The following LDLRAD1 variants were observed in gnomAD, a reference collection of about 807,000 sequenced individuals.
The protein encoded by LDLRAD1 is low density lipoprotein receptor class A domain containing 1, also known as low-density lipoprotein receptor class A domain-containing protein 1.
In LDLRAD1, 17 loss-of-function variants were observed where a neutral mutation model predicts 24.8. That is an observed-to-expected ratio of 0.69 (90% CI 0.47 to 1.03). The LOEUF (loss-of-function observed/expected upper bound fraction) is 1.03, where lower values mean the gene tolerates loss of function less well. Ranked by LOEUF, LDLRAD1 falls within the 50% of genes least tolerant of loss-of-function variation. The pLI is 0.00. For synonymous variants in LDLRAD1, 103 were observed against 108.2 expected, an observed-to-expected ratio of 0.95 and a Z score of 0.30; for missense variants, 277 against 271.0, an observed-to-expected ratio of 1.02 and a Z score of -0.16.
chr1:54,017,098 G>A (rs1656339332), intron 2 of LDLRAD1, among the ~76,000 whole-genome samples: 1 of 152,240 alleles, frequency 6.6e-6, no homozygotes, highest in Admixed American at 6.5e-5. Flanking sequence ...TCTTTTCTCT[G>A]TGTTACAGGT....
intron 2 of LDLRAD1, among the ~76,000 whole-genome samples, chr1:54,015,573 G>T (rs537366334): frequency 1.3e-5 from 2 of 152,146 alleles, no homozygotes; most frequent in South Asian, 2.1e-4. Context: ...AGAGAAAGGG[G>T]CAGGAGCAGG....
intron 3 of LDLRAD1, among the ~76,000 whole-genome samples, chr1:54,013,901 CG>C (rs535156650): frequency 1.3e-5 from 2 of 151,958 alleles, no homozygotes; most frequent in South Asian, 4.2e-4. Context: ...AGCACCACCC[CG>C]GGGTGGCCAG....
intron 2 of LDLRAD1, among the ~76,000 whole-genome samples, chr1:54,014,861 C>T (rs1014312903): frequency 6.6e-6 from 1 of 152,204 alleles, no homozygotes; most frequent in Non-Finnish European, 1.5e-5. Flanking sequence ...CGTGCCCTTT[C>T]CACGATCCCA....
rs147964909 is a variant in LDLRAD1 at position 54,009,009 on chromosome 1, G to A, written c.591C>T (p.Ser197=). The A allele has an allele frequency of 1.2e-4, 193 of 1,613,760 alleles. 1 individual carries two copies. The highest frequency in any genetic ancestry group is 3.3e-5 in the Non-Finnish European group (39 of 1,179,930). Residue 197 remains serine, a synonymous_variant, in exon 6 of 6, where the codon TCC becomes TCT. Transcript: ENST00000371360. ...RDHVQHCSDW[S]DEYACPGP ...AGGGTCCGGGACAGGCATACTCATC[G>A]GACCAGTCGGAGCAGTGCTGTACAT... is the stretch of plus-strand genomic sequence containing the variant.
At position 54,008,896 on chromosome 1, in the gene LDLRAD1, G is replaced by A; in HGVS notation, c.*86C>T. ...GATCCCATTTCAAAGGCTGCTTCCT[G>A]CCCTTGTGCGCTAGGATTTGATTTT... On this transcript the variant is annotated 3_prime_UTR_variant, in exon 6 of 6. Coordinates refer to ENST00000371360, the MANE Select transcript of LDLRAD1 (RefSeq NM_001010978.4). 3 of 1,128,494 alleles carry A rather than the reference G, an allele frequency of 2.7e-6. No homozygotes were observed. The highest frequency in any genetic ancestry group is 1.2e-6 in the Non-Finnish European group (1 of 841,206). 69.9% of individuals were successfully genotyped at this position (1,128,494 alleles called of 1,614,324 possible). A position where few individuals can be genotyped will look rare whatever the true frequency, so the allele number is the denominator to read the frequency against.
Position 54,009,019 on chromosome 1 carries a change from G to A in LDLRAD1, c.581C>T (p.Ser194Phe), listed in dbSNP as rs1458326595. 2 of 1,613,922 alleles carry A rather than the reference G, an allele frequency of 1.2e-6. No homozygotes were observed. Among genetic ancestry groups the A allele is most frequent in the Non-Finnish European group, 8.5e-7 (1 of 1,179,984 alleles). ...ACAGGCATACTCATCGGACCAGTCG[G>A]AGCAGTGCTGTACATGGTCGCGGCA... ...HLCRDHVQHCSDWSDEYACPG... is the reference protein window; with the variant it reads ...HLCRDHVQHCFDWSDEYACPG... The change falls in exon 6 of 6, where the codon TCC (serine) becomes TTC (phenylalanine). Residue 194 changes from serine (S) to phenylalanine (F), a missense_variant. Ser to Phe is a radical substitution (Grantham distance 155). Transcript: ENST00000371360.
intron 3 of LDLRAD1, 34 bp from the exon 4 acceptor site, chr1:54,012,314 G>C (rs369783572): frequency 5.0e-6 from 8 of 1,612,384 alleles, no homozygotes; most frequent in Non-Finnish European, 5.9e-6. Flanking sequence ...GGAGGGTCAA[G>C]GGTGGTGCTC....
At chr1:54,015,430 C>A (rs537422141) in intron 2 of LDLRAD1, among the ~76,000 whole-genome samples, 2 of 152,216 alleles carry the variant, frequency 1.3e-5, no homozygotes, top group Non-Finnish European at 2.9e-5. Flanking sequence ...TACTGAGGAC[C>A]TCCTGGGTGC....
rs1203955321 is a variant in LDLRAD1, at chr1:54,012,138, C to T, written c.340+5G>A. The T allele has an allele frequency of 1.9e-6, 3 of 1,613,534 alleles. No individual in the cohort carries two copies. Among genetic ancestry groups the T allele is most frequent in the Admixed American group, 1.7e-5 (1 of 60,000 alleles). On this transcript the variant is annotated splice_donor_5th_base_variant and intron_variant, in intron 4 of 5. Coordinates refer to ENST00000371360, the MANE Select transcript of LDLRAD1 (RefSeq NM_001010978.4). ...TGGGAGGGGCAGCACCGAGCGGGTA[C>T]TCACGGCACAAGCTCTCATCCTCGT...
intron 2 of LDLRAD1, among the ~76,000 whole-genome samples, chr1:54,016,113 G>T (rs1656294288): frequency 6.6e-6 from 1 of 152,156 alleles, no homozygotes; most frequent in Admixed American, 6.5e-5. Flanking sequence ...GGTAAGGGGA[G>T]GGTGCAAAGA....
At chr1:54,014,405 G>A in intron 2 of LDLRAD1, 41 bp from the exon 3 acceptor site, 1 of 1,528,800 alleles carries the variant, frequency 6.5e-7, no homozygotes, top group Non-Finnish European at 8.8e-7. Context: ...GTGGTGATAG[G>A]GGGCCAGCGC....
At chr1:54,014,537 G>A (rs778339027) in intron 2 of LDLRAD1, among the ~76,000 whole-genome samples, 173 bp from the exon 3 acceptor site, 14 of 152,152 alleles carry the variant, frequency 9.2e-5, no homozygotes, top group African/African-American at 3.4e-4. Context: ...GATGCTCTTT[G>A]TTCTGCCTGT....
In LDLRAD1 at chr1:54,009,149, G is replaced by T. The variant is rs754993694; in HGVS notation, c.470-19C>A. On this transcript the variant is annotated intron_variant, in intron 5 of 5. Transcript: ENST00000371360. ...ACAGTTACTGCAGAGACAAGAGCCA[G>T]CAGGAGAGCAGTTGCTGTGTCCTGG... 4.3e-6 allele frequency: 7 copies of T among 1,612,202 alleles called. No individual in the cohort carries two copies. Among genetic ancestry groups the T allele is most frequent in the Non-Finnish European group, 5.1e-6 (6 of 1,179,406 alleles).
In LDLRAD1 at chr1:54,008,356, C is replaced by T. The variant is rs1313332270; in HGVS notation, c.*626G>A. 6.6e-6 allele frequency: 1 copy of T among 152,208 alleles called. No individual in the cohort carries two copies. Among genetic ancestry groups the T allele is most frequent in the Non-Finnish European group, 1.5e-5 (1 of 68,066 alleles). The allele number at this position is 152,208 out of a possible 1,614,324, so 9.4% of individuals were successfully genotyped here. A position where few individuals can be genotyped will look rare whatever the true frequency, so the allele number is the denominator to read the frequency against. On this transcript the variant is annotated 3_prime_UTR_variant, in exon 6 of 6. Coordinates refer to ENST00000371360, the MANE Select transcript of LDLRAD1 (RefSeq NM_001010978.4). ...AAGGGGTAGGAAGTGGCATATGTTT[C>T]ACGTATGTGCCATCCATGAAGGCTA... is the stretch of plus-strand genomic sequence containing the variant.
intron 3 of LDLRAD1, among the ~76,000 whole-genome samples, chr1:54,013,865 T>C (rs1177722755): frequency 6.6e-6 from 1 of 151,922 alleles, no homozygotes; most frequent in Non-Finnish European, 1.5e-5. Context: ...CGGTCCCCTG[T>C]GGTGGAGATG....
chr1:54,016,178 G>T (rs867872440), intron 2 of LDLRAD1, among the ~76,000 whole-genome samples: 4 of 152,122 alleles, frequency 2.6e-5, no homozygotes, highest in Admixed American at 2.6e-4. Context: ...GGTTGCAGGT[G>T]GGGGAGCACA....
chr1:54,008,897 CCCTTGTG>C lies in LDLRAD1; in HGVS notation c.*78_*84del. The C allele has an allele frequency of 2.6e-6, 3 of 1,136,900 alleles. No individual in the cohort carries two copies. Among genetic ancestry groups the C allele is most frequent in the Non-Finnish European group, 3.5e-6 (3 of 850,424 alleles). 70.4% of individuals were successfully genotyped at this position (1,136,900 alleles called of 1,614,324 possible). ...ATCCCATTTCAAAGGCTGCTTCCTG[CCCTTGTG>C]CGCTAGGATTTGATTTTCATGTGAA... On this transcript the variant is annotated 3_prime_UTR_variant, in exon 6 of 6. Coordinates refer to ENST00000371360, the MANE Select transcript of LDLRAD1 (RefSeq NM_001010978.4).
chr1:54,018,049 A>C, intron 1 of LDLRAD1, 43 bp downstream of exon 1: 5 of 1,533,486 alleles, frequency 3.3e-6, no homozygotes, highest in Non-Finnish European at 3.6e-6. Flanking sequence ...ACTTGGGGAC[A>C]GCTCTTACTT....
At chr1:54,010,874 C>G (rs1420804551) in intron 4 of LDLRAD1, among the ~76,000 whole-genome samples, 1 of 152,192 alleles carries the variant, frequency 6.6e-6, no homozygotes, top group Non-Finnish European at 1.5e-5. Flanking sequence ...AAGGCAGAGT[C>G]AGAGCACCTT....
Sources: allele counts gnomAD v4.1 joint callset (sites outside exome capture counted in the v4.1 genomes callset), GRCh38; gene constraint gnomAD v4.1.1; transcripts MANE v1.5; gene names NCBI Gene and HGNC (gene_info 2026-07-23, HGNC 2026-07-21).